Variants in PTPN3 observed in about 807,000 individuals in gnomAD.
The protein encoded by PTPN3 is protein tyrosine phosphatase non-receptor type 3.
In PTPN3, 96 loss-of-function variants were observed where a neutral mutation model predicts 132.7. The observed-to-expected ratio is 0.72, with a 90% CI of 0.61 to 0.86. The LOEUF (loss-of-function observed/expected upper bound fraction) is 0.86. Among genes scored for constraint, PTPN3 ranks in the 40% least tolerant of loss-of-function variants. The pLI, the probability that PTPN3 is intolerant of heterozygous loss-of-function variation, is 0.00. For missense variants in PTPN3, 1,125 were observed against 1,159.6 expected (o/e 0.97, Z 0.43); for synonymous variants, 398 against 429.0 (o/e 0.93, Z 0.89).
intron 19 of PTPN3, 55 bp downstream of exon 19, chr9:109,404,393 A>G: frequency 8.0e-7 from 1 of 1,245,954 alleles, no homozygotes; most frequent in Non-Finnish European, 1.1e-6. Context: ...GCTCAGAGGC[A>G]GGGGCAGCCC....
intron 5 of PTPN3, among the ~76,000 whole-genome samples, chr9:109,454,229 GGAGGTGGGA>G (rs1845442407): frequency 6.6e-6 from 1 of 152,096 alleles, no homozygotes; most frequent in South Asian, 2.1e-4. Flanking sequence ...GGAGGTGGAA[GGAGGTGGGA>G]GAGGTAGGAG....
chr9:109,427,897 G>A (rs770114922), intron 11 of PTPN3, among the ~76,000 whole-genome samples: 2 of 152,130 alleles, frequency 1.3e-5, no homozygotes, highest in African/African-American at 2.4e-5. Flanking sequence ...CAGGTGTCTC[G>A]GATTCGTAAT....
rs188819007 is a variant in PTPN3, at chr9:109,490,416, C to G, written c.-18+7803G>C. Among the ~76,000 whole-genome samples, 20 of 152,240 alleles carry G rather than the reference C, an allele frequency of 1.3e-4. No homozygotes were observed. The East Asian group carries it at 3.3e-3, about 25-fold the overall frequency. Reference sequence around the variant, plus strand: ...CAGACTCAATGTGAGGGGCATTCTACAAAATAATTGGCTTGTACTTTCCAA... The same window carrying G: ...CAGACTCAATGTGAGGGGCATTCTAGAAAATAATTGGCTTGTACTTTCCAA... On this transcript the variant is annotated intron_variant, in intron 1 of 25. Coordinates refer to ENST00000374541, the MANE Select transcript of PTPN3 (RefSeq NM_002829.4).
At chr9:109,538,009 G>A in the PTPN3 span, among the ~76,000 whole-genome samples, 1 of 152,152 alleles carries the variant, frequency 6.6e-6, no homozygotes, top group Non-Finnish European at 1.5e-5. Flanking sequence ...CACTTTTTGT[G>A]AGACTTCCTA....
rs902672820 is a variant in PTPN3 at position 109,391,215 on chromosome 9, A to G, written c.2045-16T>C. On this transcript the variant is annotated splice_polypyrimidine_tract_variant and intron_variant, in intron 20 of 25. Transcript: ENST00000374541. ...GTGGTGTCATCTGCGGGGAAGAGAA[A>G]AATTTACCGATTATTCCGAGCATTA... The G allele has an allele frequency of 1.1e-5, 18 of 1,606,782 alleles. No homozygotes were observed. Among genetic ancestry groups the G allele is most frequent in the Non-Finnish European group, 1.4e-5 (17 of 1,174,452 alleles).
At chr9:109,506,722 C>T in the PTPN3 span, among the ~76,000 whole-genome samples, 983 of 152,198 alleles carry the variant, frequency 6.5e-3, 9 homozygotes, top group South Asian at 0.019. Context: ...CCCACCCCAG[C>T]CTTCCAAGTA....
the PTPN3 span, among the ~76,000 whole-genome samples, chr9:109,529,946 A>C: frequency 6.6e-6 from 1 of 152,014 alleles, no homozygotes; most frequent in African/African-American, 2.4e-5. Flanking sequence ...CGGGCATCTC[A>C]CTATGTTGCT....
chr9:109,522,128 A>G, the PTPN3 span, among the ~76,000 whole-genome samples: 1 of 152,216 alleles, frequency 6.6e-6, no homozygotes, highest in African/African-American at 2.4e-5. Context: ...ACGGCAGACC[A>G]TCAGCATTAA....
the PTPN3 span, among the ~76,000 whole-genome samples, chr9:109,517,019 C>G: frequency 5.9e-5 from 9 of 152,152 alleles, no homozygotes; most frequent in African/African-American, 1.9e-4. Flanking sequence ...CAGCTGAATA[C>G]TCAGAACTCA....
intron 5 of PTPN3, among the ~76,000 whole-genome samples, chr9:109,452,266 C>CAA (rs1158259516): frequency 0.024 from 1,735 of 70,886 alleles, 87 homozygotes; most frequent in African/African-American, 0.079. Flanking sequence ...AGCTCCGTCT[C>CAA]AAAAAAAAAA....
chr9:109,398,898 A>G (rs890525969), intron 19 of PTPN3, among the ~76,000 whole-genome samples: 8 of 152,250 alleles, frequency 5.3e-5, no homozygotes, highest in African/African-American at 1.9e-4. Context: ...AGGAACAAAC[A>G]AAAACAAGAG....
At chr9:109,494,805 C>T (rs1847609456) in intron 1 of PTPN3, among the ~76,000 whole-genome samples, 1 of 152,132 alleles carries the variant, frequency 6.6e-6, no homozygotes, top group Non-Finnish European at 1.5e-5. Flanking sequence ...GTTCAGCGTT[C>T]ACCTCTGTAG....
chr9:109,409,294 T>G (rs1841880768), intron 16 of PTPN3, among the ~76,000 whole-genome samples: 2 of 152,154 alleles, frequency 1.3e-5, no homozygotes, highest in African/African-American at 4.8e-5. Context: ...TCTTATCAGC[T>G]TTAGCAATGC....
In PTPN3 at chr9:109,494,134, A is replaced by G. The variant is rs540420290; in HGVS notation, c.-18+4085T>C. Among the ~76,000 whole-genome samples, 141 of 152,356 alleles carry G rather than the reference A, an allele frequency of 9.3e-4. 1 individual carries two copies. Among genetic ancestry groups the G allele is most frequent in the African/African-American group, 3.3e-3 (136 of 41,594 alleles). On this transcript the variant is annotated intron_variant, in intron 1 of 25. Transcript: ENST00000374541. ...CCTGGCCCATGTACAGAGATAAAGC[A>G]GACCCGAACCAGAGCAGGTGGGTTC... is the stretch of plus-strand genomic sequence containing the variant.
At chr9:109,497,221 T>G (rs1206914435) in intron 1 of PTPN3, among the ~76,000 whole-genome samples, 1 of 152,112 alleles carries the variant, frequency 6.6e-6, no homozygotes, top group African/African-American at 2.4e-5. Flanking sequence ...AATTCTAATT[T>G]CCTCCTGAAA....
intron 1 of PTPN3, among the ~76,000 whole-genome samples, chr9:109,466,664 C>T (rs1846114615): frequency 6.6e-6 from 1 of 152,158 alleles, no homozygotes; most frequent in Admixed American, 6.5e-5. Context: ...CAGGTGATGA[C>T]CAAGCTGCTG....
At chr9:109,409,725 C>T (rs1388684086) in intron 16 of PTPN3, among the ~76,000 whole-genome samples, 2 of 152,074 alleles carry the variant, frequency 1.3e-5, no homozygotes, top group Admixed American at 6.5e-5. Flanking sequence ...GTGGGAGGAT[C>T]ACCTGAGCCT....
Position 109,428,659 on chromosome 9 carries a change from TGAAA to T in PTPN3, c.786_789del (p.Phe263LysfsTer26). On this transcript the variant is annotated frameshift_variant, in exon 11 of 26. Coordinates refer to ENST00000374541, the MANE Select transcript of PTPN3 (RefSeq NM_002829.4). LOFTEE classifies it high-confidence loss of function. ...TGATGTATGAAGAACTTTTTCCTTT[TGAAA>T]GAAATTTTGAGAATGTTCACCCTTC... The T allele has an allele frequency of 1.9e-6, 3 of 1,613,740 alleles. No homozygotes were observed. The highest frequency in any genetic ancestry group is 2.5e-6 in the Non-Finnish European group (3 of 1,179,896).
chr9:109,436,290 A>G (rs902950364), intron 9 of PTPN3, among the ~76,000 whole-genome samples: 2 of 152,230 alleles, frequency 1.3e-5, no homozygotes, highest in Non-Finnish European at 2.9e-5. Context: ...TATGTCCCTG[A>G]GTATCAGTTT....
Sources: gnomAD v4.1 joint callset for allele counts (sites outside exome capture counted in the v4.1 genomes callset) on GRCh38, gnomAD v4.1.1 for gene constraint, MANE v1.5 for transcripts, NCBI Gene and HGNC (gene_info 2026-07-23, HGNC 2026-07-21) for gene names.